The following PI4KA variants were observed in gnomAD, a reference collection of about 807,000 sequenced individuals.
PI4KA encodes the protein PI4-kinase alpha.
Under a neutral mutation model 271.4 loss-of-function variants are expected in PI4KA, and 122 were observed. The ratio of observed to expected loss-of-function variants is 0.45; its 90% confidence interval spans 0.39 to 0.52. PI4KA has a LOEUF of 0.52. Among genes scored for constraint, PI4KA ranks in the 20% least tolerant of loss-of-function variants. The probability of loss-of-function intolerance (pLI) is 0.00; values close to 1 mark genes in which losing one functional copy is unlikely to be tolerated. For synonymous variants in PI4KA, 1,041 were observed against 1,078.8 expected, an observed-to-expected ratio of 0.96 and a Z score of 0.69; for missense variants, 1,969 against 2,769.1, an observed-to-expected ratio of 0.71 and a Z score of 6.48.
chr22:20,759,055 G>C (rs1931650768), intron 23 of PI4KA, among the ~76,000 whole-genome samples: 1 of 152,108 alleles, frequency 6.6e-6, no homozygotes, highest in South Asian at 2.1e-4. Flanking sequence ...TTTTTTGTTT[G>C]TTTGTTTTTT....
chr22:20,824,779 C>CACACACACACA (rs1555905118), intron 3 of PI4KA, among the ~76,000 whole-genome samples: 1 of 124,402 alleles, frequency 8.0e-6, no homozygotes, highest in African/African-American at 3.4e-5. Context: ...CACACACACA[C>CACACACACACA]AAAACACTCG....
intron 28 of PI4KA, among the ~76,000 whole-genome samples, chr22:20,749,258 T>C (rs1480457607): frequency 6.6e-6 from 1 of 152,252 alleles, no homozygotes; most frequent in Non-Finnish European, 1.5e-5. Context: ...TTTAAAGTGC[T>C]GCCAGGGTAA....
At chr22:20,717,437 C>A (rs1324073224) in intron 45 of PI4KA, among the ~76,000 whole-genome samples, 2 of 152,270 alleles carry the variant, frequency 1.3e-5, no homozygotes, top group East Asian at 3.8e-4. Context: ...AGAGTAACAG[C>A]TACTGAGGTC....
chr22:20,774,855 T>G (rs1437278736), intron 19 of PI4KA, among the ~76,000 whole-genome samples: 1 of 151,810 alleles, frequency 6.6e-6, no homozygotes, highest in Non-Finnish European at 1.5e-5. Context: ...AATGTGTATG[T>G]GCATGCCTGT....
At chr22:20,741,433 CCT>C (rs1929440928) in intron 32 of PI4KA, among the ~76,000 whole-genome samples, 1 of 152,160 alleles carries the variant, frequency 6.6e-6, no homozygotes, top group East Asian at 1.9e-4. Context: ...CCAGCACTCC[CCT>C]GACTTCACAG....
intron 14 of PI4KA, among the ~76,000 whole-genome samples, chr22:20,800,593 T>C (rs569181008): frequency 2.6e-5 from 4 of 151,606 alleles, no homozygotes; most frequent in African/African-American, 7.3e-5. Context: ...CCAGGCACGG[T>C]GGCTCACACC....
intron 22 of PI4KA, 125 bp from the exon 23 acceptor site, chr22:20,761,511 C>G (rs1931969455): frequency 8.8e-6 from 6 of 682,384 alleles, no homozygotes; most frequent in Non-Finnish European, 1.6e-5. Context: ...TAAGGGTGCA[C>G]ACTGAGGTGG....
intron 23 of PI4KA, 42 bp downstream of exon 23, chr22:20,761,262 A>C (rs772408220): frequency 8.6e-7 from 1 of 1,163,514 alleles, no homozygotes; most frequent in Non-Finnish European, 1.3e-6. Context: ...TTACCCTATT[A>C]AAGCTCAATT....
chr22:20,724,223 T>C (rs1927081266), intron 42 of PI4KA, among the ~76,000 whole-genome samples: 1 of 151,736 alleles, frequency 6.6e-6, no homozygotes, highest in South Asian at 2.1e-4. Flanking sequence ...GAAAAGTGCT[T>C]GAACCTGGGA....
chr22:20,832,514 C>T (rs1924319129), intron 3 of PI4KA, among the ~76,000 whole-genome samples: 1 of 152,100 alleles, frequency 6.6e-6, no homozygotes, highest in African/African-American at 2.4e-5. Flanking sequence ...AGTGCAGTGG[C>T]ATGATCTCAG....
At position 20,732,275 on chromosome 22, in the gene PI4KA, G is replaced by A. The variant is rs1038327809; in HGVS notation, c.4288+696C>T. Among the ~76,000 whole-genome samples the A allele has an allele frequency of 1.8e-4, 27 of 152,316 alleles. 1 individual carries two copies. Among genetic ancestry groups the A allele is most frequent in the African/African-American group, 6.3e-4 (26 of 41,568 alleles). ...AGCACCTGTAGTTCCAGCTACTCAG[G>A]AGGCTGAGGCAGGAGAATCGCCTGA... On this transcript the variant is annotated intron_variant, in intron 36 of 54. Transcript: ENST00000255882.
intron 53 of PI4KA, 192 bp from the exon 54 acceptor site, chr22:20,709,571 T>C: frequency 1.6e-6 from 1 of 609,072 alleles, no homozygotes; most frequent in Admixed American, 2.9e-5. Context: ...CCCTGTCCCC[T>C]TCCCAGCATC....
intron 18 of PI4KA, 106 bp from the exon 19 acceptor site, chr22:20,793,349 T>C (rs908300397): frequency 3.0e-6 from 2 of 674,754 alleles, no homozygotes; most frequent in Non-Finnish European, 5.3e-6. Context: ...AATGTCTTAA[T>C]CTAAGAGAAA....
In PI4KA at chr22:20,779,128, G is replaced by A. The variant is rs190718033; in HGVS notation, c.2329-13435C>T. ...ATGAGTCCCACATCAAAGGTTGGGTGTCTATCTACATCAGATTCTCTTAAA... is the reference window on the plus strand; with the variant it reads ...ATGAGTCCCACATCAAAGGTTGGGTATCTATCTACATCAGATTCTCTTAAA... On this transcript the variant is annotated intron_variant, in intron 19 of 54. Transcript: ENST00000255882. 42 of 1,469,098 alleles carry A rather than the reference G, an allele frequency of 2.9e-5. No homozygotes were observed. In the East Asian group the frequency reaches 1.0e-3, roughly 35 times the overall value. 91.0% of individuals were successfully genotyped at this position (1,469,098 alleles called of 1,614,324 possible).
chr22:20,742,555 C>T, intron 31 of PI4KA, 53 bp downstream of exon 31: 1 of 1,603,066 alleles, frequency 6.2e-7, no homozygotes, highest in Non-Finnish European at 8.5e-7. Flanking sequence ...GTCATCAAGG[C>T]CAGCATTCAT....
intron 9 of PI4KA, among the ~76,000 whole-genome samples, chr22:20,808,834 A>G (rs1935832693): frequency 1.3e-5 from 2 of 152,168 alleles, no homozygotes; most frequent in South Asian, 4.2e-4. Context: ...ATGTACCACC[A>G]TGCCCAGCTA....
At chr22:20,852,067 T>G (rs1304358018) in intron 1 of PI4KA, among the ~76,000 whole-genome samples, 1 of 152,106 alleles carries the variant, frequency 6.6e-6, no homozygotes. Flanking sequence ...GAGCTTGCAG[T>G]GAGCAGAGAT....
intron 18 of PI4KA, among the ~76,000 whole-genome samples, chr22:20,794,582 C>T (rs1934867093): frequency 1.3e-5 from 2 of 152,144 alleles, no homozygotes; most frequent in African/African-American, 2.4e-5. Context: ...GCATCGGCCA[C>T]TCTCTCTTGG....
chr22:20,792,330 C>T (rs1934696343), intron 19 of PI4KA, among the ~76,000 whole-genome samples: 1 of 152,092 alleles, frequency 6.6e-6, no homozygotes, highest in Non-Finnish European at 1.5e-5. Flanking sequence ...AGGAGAGGTG[C>T]CTCTCTGTGC....
Sources: gnomAD v4.1 joint callset for allele counts (sites outside exome capture counted in the v4.1 genomes callset) on GRCh38, gnomAD v4.1.1 for gene constraint, MANE v1.5 for transcripts, NCBI Gene and HGNC (gene_info 2026-07-23, HGNC 2026-07-21) for gene names.